The following OOSP3 variants were observed in gnomAD, a reference collection of about 807,000 sequenced individuals.
OOSP3 encodes the protein oocyte secreted protein family member 3.
At chr11:59,884,784 G>A (rs1043773749) in intron 2 of OOSP3, among the ~76,000 whole-genome samples, 16 of 152,244 alleles carry the variant, frequency 1.1e-4, no homozygotes, top group East Asian at 1.9e-4. Flanking sequence ...GGTTACAGGC[G>A]TGAGCCACTG....
At chr11:59,883,574 A>G (rs573529528) in intron 2 of OOSP3, among the ~76,000 whole-genome samples, 2 of 152,368 alleles carry the variant, frequency 1.3e-5, no homozygotes, top group East Asian at 1.9e-4. Context: ...ACCATAATGT[A>G]CAAGTCATTT....
At chr11:59,880,272 T>C in exon 2 of OOSP3, 1 of 398,570 alleles carries the variant, frequency 2.5e-6, no homozygotes, top group South Asian at 1.3e-4. Flanking sequence ...GTCAGTAGGA[T>C]GTACTTCCTC....
At chr11:59,882,635 C>T (rs1408117975) in intron 2 of OOSP3, among the ~76,000 whole-genome samples, 1 of 152,102 alleles carries the variant, frequency 6.6e-6, no homozygotes, top group Non-Finnish European at 1.5e-5. Flanking sequence ...GTTTAAGTAG[C>T]AGACATGGAT....
intron 2 of OOSP3, among the ~76,000 whole-genome samples, chr11:59,881,852 C>T (rs529689886): frequency 6.6e-6 from 1 of 152,092 alleles, no homozygotes; most frequent in Non-Finnish European, 1.5e-5. Flanking sequence ...GTCTGGGCAA[C>T]AGAGCAAGAC....
At chr11:59,893,662 A>C (rs1041127646) in intron 2 of OOSP3, among the ~76,000 whole-genome samples, 1 of 152,202 alleles carries the variant, frequency 6.6e-6, no homozygotes, top group Non-Finnish European at 1.5e-5. Flanking sequence ...GGACCAACAT[A>C]GTGTTTTTGA....
At chr11:59,883,921 G>T (rs1440071049) in intron 2 of OOSP3, among the ~76,000 whole-genome samples, 1 of 152,156 alleles carries the variant, frequency 6.6e-6, no homozygotes, top group Non-Finnish European at 1.5e-5. Context: ...AGTACTAATT[G>T]TTATGCACTA....
rs138654145 is a variant in OOSP3, at chr11:59,888,979, A to G, written c.253-5100A>G. 7.9e-3 allele frequency among the ~76,000 whole-genome samples: 1,200 copies of G among 152,258 alleles called. 18 individuals carry two copies. The highest frequency in any genetic ancestry group is 0.027 in the African/African-American group (1,129 of 41,546). ...GGCTATTTGTTACTGCCTCAATTTCAGAACTTGTTATTGGTCTATTCAGGG... is the reference window on the plus strand; with the variant it reads ...GGCTATTTGTTACTGCCTCAATTTCGGAACTTGTTATTGGTCTATTCAGGG... On this transcript the variant is annotated intron_variant, in intron 2 of 4. Coordinates refer to ENST00000646438, the Ensembl canonical transcript of OOSP3.
chr11:59,895,993 C>A (rs1010310231), intron 4 of OOSP3, 140 bp from the exon 5 acceptor site: 4 of 395,632 alleles, frequency 1.0e-5, no homozygotes, highest in Non-Finnish European at 1.8e-5. Flanking sequence ...ACTCTTTCAA[C>A]CCTTCCCTCT....
intron 3 of OOSP3, among the ~76,000 whole-genome samples, chr11:59,895,014 C>T (rs1053348372): frequency 6.6e-5 from 10 of 152,264 alleles, no homozygotes; most frequent in African/African-American, 2.2e-4. Context: ...CTTGAATGGG[C>T]ATAATTGTAT....
At position 59,880,939 on chromosome 11, in the gene OOSP3, G is replaced by GT. The variant is rs551767848; in HGVS notation, c.252+503dup. ...TCAGAGGAAAAAAACATCTGAGGAG[G>GT]TTTGAGGTGGAGGTGGATTTGCTCG... is the stretch of plus-strand genomic sequence containing the variant. On this transcript the variant is annotated intron_variant, in intron 2 of 4. Coordinates refer to ENST00000646438, the Ensembl canonical transcript of OOSP3. 4.7e-4 allele frequency among the ~76,000 whole-genome samples: 72 copies of GT among 152,300 alleles called. No homozygotes were observed. In the South Asian group the frequency reaches 0.014, roughly 29 times the overall value.
rs542081478 is a variant in OOSP3 at position 59,884,523 on chromosome 11, G to A, written c.252+4084G>A. Among the ~76,000 whole-genome samples, 67 of 122,670 alleles carry A rather than the reference G, an allele frequency of 5.5e-4. No individual in the cohort carries two copies. In the South Asian group the frequency reaches 0.016, roughly 30 times the overall value. 80.5% of individuals were successfully genotyped at this position (122,670 alleles called of 152,430 possible). Reference sequence around the variant, plus strand: ...TCTCTCTCTCTCTCTCTCTCTCTATGCAGTCTTAATCTGTTGCCCAGGCTG... The same window carrying A: ...TCTCTCTCTCTCTCTCTCTCTCTATACAGTCTTAATCTGTTGCCCAGGCTG... On this transcript the variant is annotated intron_variant, in intron 2 of 4. Transcript: ENST00000646438.
chr11:59,890,008 G>C (rs1421516782), intron 2 of OOSP3, among the ~76,000 whole-genome samples: 2 of 152,136 alleles, frequency 1.3e-5, no homozygotes, highest in African/African-American at 2.4e-5. Context: ...TTTTCTTGTT[G>C]AATTGAACCC....
chr11:59,888,847 G>A (rs1853285273), intron 2 of OOSP3, among the ~76,000 whole-genome samples: 1 of 152,126 alleles, frequency 6.6e-6, no homozygotes, highest in African/African-American at 2.4e-5. Flanking sequence ...ATTTTCAATG[G>A]TTGGGAATAG....
intron 3 of OOSP3, among the ~76,000 whole-genome samples, 166 bp from the exon 4 acceptor site, chr11:59,895,336 T>C (rs574332117): frequency 6.6e-6 from 1 of 150,858 alleles, no homozygotes; most frequent in Non-Finnish European, 1.5e-5. Context: ...TTGTTAATCC[T>C]TAAAAAAAAA....
intron 2 of OOSP3, among the ~76,000 whole-genome samples, chr11:59,881,656 T>C (rs1357007707): frequency 3.9e-5 from 6 of 152,174 alleles, no homozygotes; most frequent in Non-Finnish European, 8.8e-5. Flanking sequence ...GGCAGGCAGA[T>C]CACCTGAGGT....
At chr11:59,885,946 A>G (rs1337733233) in intron 2 of OOSP3, among the ~76,000 whole-genome samples, 4 of 151,984 alleles carry the variant, frequency 2.6e-5, no homozygotes, top group Admixed American at 2.6e-4. Context: ...GATTTGTTAC[A>G]TAGGTAAATG....
At chr11:59,895,282 G>C (rs1278564922) in intron 3 of OOSP3, among the ~76,000 whole-genome samples, 2 of 149,830 alleles carry the variant, frequency 1.3e-5, no homozygotes, top group Non-Finnish European at 3.0e-5. Context: ...TCCTATGGTA[G>C]GACTTTTTTT....
exon 5 of OOSP3, chr11:59,896,173 A>G (rs1402658256): frequency 1.0e-5 from 4 of 398,358 alleles, no homozygotes. Context: ...AATATGTCTC[A>G]TCCATTAGTC....
At chr11:59,883,544 G>A (rs1695905679) in intron 2 of OOSP3, among the ~76,000 whole-genome samples, 1 of 152,168 alleles carries the variant, frequency 6.6e-6, no homozygotes, top group African/African-American at 2.4e-5. Context: ...AAGATTACAT[G>A]TAGTAAAATG....
Sources: allele counts gnomAD v4.1 joint callset (sites outside exome capture counted in the v4.1 genomes callset), GRCh38; gene constraint gnomAD v4.1.1; transcripts MANE v1.5; gene names NCBI Gene and HGNC (gene_info 2026-07-23, HGNC 2026-07-21).